Variants in ZNF536 observed in about 807,000 individuals in gnomAD.
The protein encoded by ZNF536 is zinc finger protein 536.
ZNF536 carries 13 observed loss-of-function variants against 84.5 expected under a neutral mutation model. The observed-to-expected ratio is 0.15, with a 90% confidence interval of 0.10 to 0.24. The LOEUF (loss-of-function observed/expected upper bound fraction) is 0.24, where lower values mean the gene tolerates loss of function less well. ZNF536 is among the 10% of genes least tolerant of loss of function. The pLI is 1.00. For synonymous variants in ZNF536, 811 were observed against 742.5 expected (o/e 1.09, Z -1.50); for missense variants, 1,536 against 1,747.5 (o/e 0.88, Z 2.16).
rs531074481 is a variant in ZNF536 at position 30,445,753 on chromosome 19, G to A, written c.2170+21G>A. On this transcript the variant is annotated intron_variant, in intron 2 of 4. Transcript: ENST00000355537. The surrounding 1 kb of genome is among the most constrained non-coding windows in gnomAD (Gnocchi z 4.5). Reference sequence around the variant, plus strand: ...CTCAGGTAGGTTAGCTGAGAAGCGGGGAGAAGCAGCTTGTACAGCAGCCCT... The same window carrying A: ...CTCAGGTAGGTTAGCTGAGAAGCGGAGAGAAGCAGCTTGTACAGCAGCCCT... 10 of 1,532,124 alleles carry A rather than the reference G, an allele frequency of 6.5e-6. No homozygotes were observed. Among genetic ancestry groups the A allele is most frequent in the South Asian group, 3.9e-5 (3 of 77,486 alleles). The allele number at this position is 1,532,124 out of a possible 1,614,324, so 94.9% of individuals were successfully genotyped here.
At chr19:30,333,929 T>C (rs768004524) in intron 2 of ZNF536, among the ~76,000 whole-genome samples, 3 of 152,198 alleles carry the variant, frequency 2.0e-5, no homozygotes, top group African/African-American at 4.8e-5. Context: ...GATGATTTTT[T>C]TAAAAAATCA....
intron 1 of ZNF536, among the ~76,000 whole-genome samples, chr19:30,404,019 C>CT (rs11336660): frequency 0.04 from 4,959 of 123,344 alleles, 149 homozygotes; most frequent in Non-Finnish European, 0.06. Context: ...TTCCTTTCCT[C>CT]TTTTTTTTTT....
At chr19:30,645,211 G>A (rs1600133420) in intron 1 of ZNF536, among the ~76,000 whole-genome samples, 1 of 152,000 alleles carries the variant, frequency 6.6e-6, no homozygotes, top group South Asian at 2.1e-4. Flanking sequence ...TTTTTGATGG[G>A]GTTGTTTGTT....
chr19:30,699,405 T>A (rs2051798949), intron 1 of ZNF536, among the ~76,000 whole-genome samples: 2 of 152,196 alleles, frequency 1.3e-5, no homozygotes, highest in Non-Finnish European at 2.9e-5. Flanking sequence ...CAAAATGCAC[T>A]TGTAAAATAA....
intron 2 of ZNF536, among the ~76,000 whole-genome samples, chr19:30,317,013 C>T (rs2046700939): frequency 6.6e-6 from 1 of 152,224 alleles, no homozygotes; most frequent in Non-Finnish European, 1.5e-5. Context: ...GTGGGCTTGG[C>T]AAGGCCTCCC....
chr19:30,474,556 T>G (rs2040617377), intron 2 of ZNF536, among the ~76,000 whole-genome samples: 1 of 152,076 alleles, frequency 6.6e-6, no homozygotes, highest in African/African-American at 2.4e-5. Context: ...TCCCCATCAC[T>G]CTGTCGGGGT....
intron 1 of ZNF536, among the ~76,000 whole-genome samples, chr19:30,431,770 G>A (rs1475912116): frequency 6.6e-6 from 1 of 152,118 alleles, no homozygotes; most frequent in Non-Finnish European, 1.5e-5. Flanking sequence ...CGGAGGCCAG[G>A]GCCTCTGGTT....
At chr19:30,356,094 A>G (rs2048085961) in intron 3 of ZNF536, among the ~76,000 whole-genome samples, 1 of 152,196 alleles carries the variant, frequency 6.6e-6, no homozygotes, top group Admixed American at 6.5e-5. Flanking sequence ...AATAAATCAC[A>G]CACATCAGAC....
At chr19:30,273,195 C>T (rs968322830) in intron 1 of ZNF536, among the ~76,000 whole-genome samples, 1 of 150,388 alleles carries the variant, frequency 6.6e-6, no homozygotes, top group Non-Finnish European at 1.5e-5. Flanking sequence ...AACCACTGCA[C>T]CTGGCCATGC....
At chr19:30,657,922 C>T (rs1309107960) in intron 1 of ZNF536, among the ~76,000 whole-genome samples, 2 of 152,244 alleles carry the variant, frequency 1.3e-5, no homozygotes, top group African/African-American at 2.4e-5. Context: ...ACAGACCTTA[C>T]CCAAACGTTT....
intron 1 of ZNF536, among the ~76,000 whole-genome samples, chr19:30,435,194 ATGCTGATGATGG>A (rs1333785810): frequency 6.7e-6 from 1 of 150,272 alleles, no homozygotes; most frequent in Non-Finnish European, 1.5e-5. Flanking sequence ...GCTGATGATG[ATGCTGATGATGG>A]TGATGATGAT....
At chr19:30,353,808 C>T (rs886987246) in intron 3 of ZNF536, among the ~76,000 whole-genome samples, 14 of 152,184 alleles carry the variant, frequency 9.2e-5, no homozygotes, top group African/African-American at 3.4e-4. Flanking sequence ...AGTTAGGAGC[C>T]TTACAATATT....
intron 1 of ZNF536, among the ~76,000 whole-genome samples, chr19:30,233,532 G>C (rs1370343322): frequency 6.6e-6 from 1 of 150,418 alleles, no homozygotes; most frequent in Non-Finnish European, 1.5e-5. Flanking sequence ...TTTTTTTTTA[G>C]AGATGGGGTC....
chr19:30,653,153 A>G (rs1032041857), intron 1 of ZNF536, among the ~76,000 whole-genome samples: 2 of 152,142 alleles, frequency 1.3e-5, no homozygotes, highest in Non-Finnish European at 2.9e-5. Context: ...TTTTTAGACA[A>G]GTGTTTCTCA....
intron 1 of ZNF536, among the ~76,000 whole-genome samples, chr19:30,654,269 T>G (rs2049820257): frequency 6.6e-6 from 1 of 152,080 alleles, no homozygotes; most frequent in Non-Finnish European, 1.5e-5. Context: ...CCGCCCGGCA[T>G]AGTAATCACC....
intron 2 of ZNF536, among the ~76,000 whole-genome samples, chr19:30,472,934 G>A (rs1481167295): frequency 1.3e-5 from 2 of 151,436 alleles, no homozygotes; most frequent in African/African-American, 4.9e-5. Context: ...GCTCACACCT[G>A]TAATCCCAGC....
intron 1 of ZNF536, among the ~76,000 whole-genome samples, chr19:30,279,704 C>A (rs919053706): frequency 6.6e-6 from 1 of 152,156 alleles, no homozygotes; most frequent in African/African-American, 2.4e-5. Flanking sequence ...ACGCAGAGAG[C>A]CTGCTCTTGG....
At chr19:30,588,482 A>G (rs569264407) in intron 1 of ZNF536, among the ~76,000 whole-genome samples, 4 of 152,316 alleles carry the variant, frequency 2.6e-5, no homozygotes, top group African/African-American at 9.6e-5. Context: ...CCTGAAGCAC[A>G]TGAGGTGGCA....
At chr19:30,451,732 C>T (rs1373495077) in intron 2 of ZNF536, among the ~76,000 whole-genome samples, 1 of 152,194 alleles carries the variant, frequency 6.6e-6, no homozygotes, top group Non-Finnish European at 1.5e-5. Flanking sequence ...CTCACTTGGC[C>T]CATCTGTGGG....
Sources: gnomAD v4.1 joint callset for allele counts (sites outside exome capture counted in the v4.1 genomes callset) on GRCh38, gnomAD v4.1.1 for gene constraint, Gnocchi (gnomAD v3.1) non-coding constraint, MANE v1.5 for transcripts, NCBI Gene and HGNC (gene_info 2026-07-23, HGNC 2026-07-21) for gene names.